CNTNAP5: variants seen among roughly 807,000 people sequenced by gnomAD.
The protein encoded by CNTNAP5 is contactin associated protein family member 5.
A neutral mutation model predicts 150.2 loss-of-function variants in CNTNAP5; 72 were observed. The observed-to-expected ratio is 0.48, with a 90% confidence interval of 0.40 to 0.58. The LOEUF (loss-of-function observed/expected upper bound fraction) is 0.58, where lower values mean the gene tolerates loss of function less well. Ranked by LOEUF, CNTNAP5 falls within the 20% of genes least tolerant of loss-of-function variation. The pLI is 0.00. For synonymous variants in CNTNAP5, 672 were observed against 619.8 expected (o/e 1.08, Z -1.25); for missense variants, 1,636 against 1,626.2 (o/e 1.01, Z -0.10).
Position 124,096,315 on chromosome 2 carries a change from G to C in CNTNAP5, c.82+70583G>C, listed in dbSNP as rs78851563. On this transcript the variant is annotated intron_variant, in intron 1 of 23. Transcript: ENST00000682447. ...AAATCTCATTTATAGAAACATATGG[G>C]AGCCCTGCTGAAAGGATTATAGAAA... Among the ~76,000 whole-genome samples, 43 of 152,104 alleles carry C rather than the reference G, an allele frequency of 2.8e-4. No homozygotes were observed. In the East Asian group the frequency reaches 7.2e-3, roughly 25 times the overall value.
chr2:124,790,193 G>A (rs898116913), intron 18 of CNTNAP5, 52 bp downstream of exon 18: 11 of 1,522,744 alleles, frequency 7.2e-6, no homozygotes, highest in African/African-American at 1.4e-5. Context: ...TCACCTATAC[G>A]CTATGGTCAG....
intron 1 of CNTNAP5, among the ~76,000 whole-genome samples, chr2:124,100,501 A>G (rs187506588): frequency 4.7e-4 from 71 of 152,358 alleles, no homozygotes; most frequent in South Asian, 4.1e-4. Context: ...ATTCAAATCT[A>G]GCATTGTTCA....
chr2:124,324,271 G>A (rs1243128334), intron 3 of CNTNAP5, among the ~76,000 whole-genome samples: 1 of 152,164 alleles, frequency 6.6e-6, no homozygotes, highest in Non-Finnish European at 1.5e-5. Flanking sequence ...TTTCTAGGCA[G>A]CCTGGGAGTC....
intron 2 of CNTNAP5, among the ~76,000 whole-genome samples, chr2:124,222,854 A>G (rs1028866799): frequency 4.0e-5 from 6 of 151,842 alleles, no homozygotes; most frequent in African/African-American, 1.5e-4. Flanking sequence ...TTTGTCTTGT[A>G]CTTCATTTCA....
At chr2:124,313,810 C>T (rs935801694) in intron 3 of CNTNAP5, among the ~76,000 whole-genome samples, 4 of 152,212 alleles carry the variant, frequency 2.6e-5, no homozygotes, top group East Asian at 1.9e-4. Flanking sequence ...AGTGATGGTG[C>T]GAGGGATACC....
chr2:124,560,942 C>G (rs769846165), intron 10 of CNTNAP5, among the ~76,000 whole-genome samples: 30 of 151,526 alleles, frequency 2.0e-4, no homozygotes, highest in Non-Finnish European at 4.3e-4. Context: ...AAAAGTCAAC[C>G]CTGAACTTTC....
At chr2:124,413,439 T>C (rs1286979167) in intron 3 of CNTNAP5, among the ~76,000 whole-genome samples, 1 of 136,940 alleles carries the variant, frequency 7.3e-6, no homozygotes, top group East Asian at 2.1e-4. Context: ...CACGTATGTT[T>C]ATTGCGGCAT....
At chr2:124,517,261 A>T (rs1272343173) in intron 8 of CNTNAP5, among the ~76,000 whole-genome samples, 4 of 120,090 alleles carry the variant, frequency 3.3e-5, no homozygotes, top group Admixed American at 2.5e-4. Flanking sequence ...GTTGGTGATG[A>T]GGTGTGGTGG....
intron 11 of CNTNAP5, among the ~76,000 whole-genome samples, chr2:124,583,577 A>G (rs1488423836): frequency 6.6e-6 from 1 of 152,246 alleles, no homozygotes; most frequent in African/African-American, 2.4e-5. Flanking sequence ...ATGTGTCAAC[A>G]CAATTTGACT....
At chr2:124,555,832 G>T (rs11682973) in intron 10 of CNTNAP5, among the ~76,000 whole-genome samples, 1 of 151,922 alleles carries the variant, frequency 6.6e-6, no homozygotes, top group African/African-American at 2.4e-5. Context: ...AAGCGAAGAG[G>T]GATTGAAAAT....
At chr2:124,382,962 A>C (rs1424270873) in intron 3 of CNTNAP5, among the ~76,000 whole-genome samples, 2 of 152,162 alleles carry the variant, frequency 1.3e-5, no homozygotes, top group Non-Finnish European at 2.9e-5. Flanking sequence ...TTGAAATAAA[A>C]TTAGGTATGT....
At chr2:124,223,516 A>G (rs1686378509) in intron 2 of CNTNAP5, among the ~76,000 whole-genome samples, 1 of 152,078 alleles carries the variant, frequency 6.6e-6, no homozygotes, top group African/African-American at 2.4e-5. Context: ...TTTCCATTTC[A>G]GGAAGAAACA....
At chr2:124,767,937 G>C (rs78940639) in intron 16 of CNTNAP5, among the ~76,000 whole-genome samples, 3 of 152,220 alleles carry the variant, frequency 2.0e-5, no homozygotes, top group Admixed American at 6.5e-5. Flanking sequence ...CCAGCCTTAC[G>C]AGCAATCCTC....
chr2:124,238,978 A>C (rs941677384), intron 2 of CNTNAP5, among the ~76,000 whole-genome samples: 1 of 152,208 alleles, frequency 6.6e-6, no homozygotes, highest in Admixed American at 6.5e-5. Flanking sequence ...ATTATCACCC[A>C]GATAGCATCC....
chr2:124,865,728 G>A (rs2104720709), intron 20 of CNTNAP5, among the ~76,000 whole-genome samples: 1 of 152,134 alleles, frequency 6.6e-6, no homozygotes, highest in African/African-American at 2.4e-5. Context: ...GGCAGATCAA[G>A]AGGTCAGGAG....
intron 13 of CNTNAP5, among the ~76,000 whole-genome samples, chr2:124,671,351 C>CAT (rs1678820574): frequency 6.6e-6 from 1 of 152,196 alleles, no homozygotes; most frequent in Non-Finnish European, 1.5e-5. Context: ...AGCAATTCTA[C>CAT]ATTTTTGCTC....
At chr2:124,883,382 A>G (rs1380764453) in intron 21 of CNTNAP5, among the ~76,000 whole-genome samples, 1 of 151,912 alleles carries the variant, frequency 6.6e-6, no homozygotes, top group Non-Finnish European at 1.5e-5. Context: ...AATTCTAACA[A>G]GAGCTTACTT....
chr2:124,648,438 A>G (rs1228824354), intron 13 of CNTNAP5, among the ~76,000 whole-genome samples: 1 of 152,234 alleles, frequency 6.6e-6, no homozygotes, highest in East Asian at 1.9e-4. Flanking sequence ...GAGGCCAGCA[A>G]GATAGGCAGG....
Position 124,426,481 on chromosome 2 carries a change from A to G in CNTNAP5, c.530-8003A>G, listed in dbSNP as rs536804825. On this transcript the variant is annotated intron_variant, in intron 4 of 23. Transcript: ENST00000682447. ...AATAATCATTTTTCTTATATAATGTATCATGACATAAGCTTCAAAATGTAA... is the reference window on the plus strand; with the variant it reads ...AATAATCATTTTTCTTATATAATGTGTCATGACATAAGCTTCAAAATGTAA... 3.9e-5 allele frequency among the ~76,000 whole-genome samples: 6 copies of G among 152,318 alleles called. No individual in the cohort carries two copies. In the South Asian group the frequency reaches 8.3e-4, roughly 21 times the overall value.
Sources: allele counts gnomAD v4.1 joint callset (sites outside exome capture counted in the v4.1 genomes callset), GRCh38; gene constraint gnomAD v4.1.1; transcripts MANE v1.5; gene names NCBI Gene and HGNC (gene_info 2026-07-23, HGNC 2026-07-21).